Variants in CKM observed in about 807,000 individuals in gnomAD.
The protein encoded by CKM is creatine kinase, M-type.
In CKM, 28 loss-of-function variants were observed where a neutral mutation model predicts 35.4. The observed-to-expected ratio is 0.79, with a 90% CI of 0.59 to 1.08. The LOEUF is 1.08. CKM is among the 50% of genes least tolerant of loss of function. The probability of loss-of-function intolerance (pLI) is 0.00; values close to 1 mark genes in which losing one functional copy is unlikely to be tolerated. For missense variants in CKM, 484 were observed against 509.8 expected (o/e 0.95, Z 0.49); for synonymous variants, 215 against 204.4 (o/e 1.05, Z -0.44).
intron 5 of CKM, among the ~76,000 whole-genome samples, chr19:45,310,695 T>C (rs1488545548): frequency 6.8e-6 from 1 of 147,124 alleles, no homozygotes; most frequent in African/African-American, 2.5e-5. Flanking sequence ...CTCAATCCTC[T>C]GGGCCCAGCT....
At position 45,316,065 on chromosome 19, in the gene CKM, C is replaced by A. The variant is rs1399373723; in HGVS notation, c.349-468G>T. On this transcript the variant is annotated intron_variant, in intron 3 of 7. Transcript: ENST00000221476. ...GAGACAGGGGCTGGGCGCGGTGGCT[C>A]ACACCTGTAATCCCAACACTTTGGG... Among the ~76,000 whole-genome samples the A allele has an allele frequency of 2.0e-5, 3 of 151,884 alleles. 1 individual carries two copies. The highest frequency in any genetic ancestry group is 1.9e-4 in the East Asian group (1 of 5,162).
At chr19:45,319,940 G>A (rs563110548) in intron 1 of CKM, among the ~76,000 whole-genome samples, 74 of 149,806 alleles carry the variant, frequency 4.9e-4, no homozygotes, top group African/African-American at 1.3e-3. Flanking sequence ...ACAGGCGCCC[G>A]CCACCACGCC....
chr19:45,315,267 C>T (rs1158729783), intron 4 of CKM, among the ~76,000 whole-genome samples, 198 bp downstream of exon 4: 1 of 152,132 alleles, frequency 6.6e-6, no homozygotes, highest in East Asian at 1.9e-4. Context: ...CAGGGGCCGT[C>T]GGGTCTGGAC....
rs145635018 is a variant in CKM, at chr19:45,312,038, C to G, written c.482-118G>C. The G allele has an allele frequency of 7.2e-3, 7,768 of 1,079,674 alleles. 39 individuals carry two copies. Among genetic ancestry groups the G allele is most frequent in the Non-Finnish European group, 9.0e-3 (6,496 of 722,424 alleles). 66.9% of individuals were successfully genotyped at this position (1,079,674 alleles called of 1,614,324 possible). On this transcript the variant is annotated intron_variant, in intron 4 of 7. Transcript: ENST00000221476. ...GCCTGGGCCTTGGCCCCCTGGATGT[C>G]CTAAAGGCACCTGAACCCTGTGTCT... is the stretch of plus-strand genomic sequence containing the variant.
rs879736565 is a variant in CKM, at chr19:45,306,977, G to T, written c.968-49C>A. 20 of 1,599,568 alleles carry T rather than the reference G, an allele frequency of 1.3e-5. No homozygotes were observed. The highest frequency in any genetic ancestry group is 1.6e-5 in the Non-Finnish European group (19 of 1,172,214). ...GTGAAGAGGCAGCGAAGGTGCAGAGGGGCTGGGACGTGGCCCCCGTGCCAA... is the reference window on the plus strand; with the variant it reads ...GTGAAGAGGCAGCGAAGGTGCAGAGTGGCTGGGACGTGGCCCCCGTGCCAA... On this transcript the variant is annotated intron_variant, in intron 7 of 7. Transcript: ENST00000221476. The surrounding 1 kb of genome is among the most constrained non-coding windows in gnomAD (Gnocchi z 4.5).
At position 45,311,933 on chromosome 19, in the gene CKM, A is replaced by G; in HGVS notation, c.482-13T>C. ...AGGCTGTTGAGAGCTATGGGGACAC[A>G]CGAGGGAGTGGTCAGCAGCCTGTCC... On this transcript the variant is annotated splice_polypyrimidine_tract_variant and intron_variant, in intron 4 of 7. Coordinates refer to ENST00000221476, the MANE Select transcript of CKM (RefSeq NM_001824.5). 6.2e-7 allele frequency: 1 copy of G among 1,613,602 alleles called. No individual in the cohort carries two copies. Among genetic ancestry groups the G allele is most frequent in the Non-Finnish European group, 8.5e-7 (1 of 1,179,888 alleles).
intron 2 of CKM, 77 bp from the exon 3 acceptor site, chr19:45,318,056 G>A (rs1030028366): frequency 1.6e-6 from 2 of 1,235,652 alleles, no homozygotes; most frequent in Non-Finnish European, 1.2e-6. Context: ...AGTGGAGCCT[G>A]TGTGGACATG....
chr19:45,319,687 C>T lies in CKM; in HGVS notation c.27G>A (p.Lys9=), dbSNP rs1568513011. MPFGNTHN[K]FKLNYKPEEE... is the part of the protein sequence containing the mutation. ...CCTCAGGCTTGTAATTCAGCTTGAACTTGTTGTGGGTGTTACCGAATGGCA... is the reference window on the plus strand; with the variant it reads ...CCTCAGGCTTGTAATTCAGCTTGAATTTGTTGTGGGTGTTACCGAATGGCA... Residue 9 remains lysine (K), a synonymous_variant, in exon 2 of 8, where the codon AAG becomes AAA. Transcript: ENST00000221476. The T allele has an allele frequency of 1.2e-6, 2 of 1,614,072 alleles. No homozygotes were observed. Among genetic ancestry groups the T allele is most frequent in the Admixed American group, 3.3e-5 (2 of 59,988 alleles).
chr19:45,311,672 G>A (rs1647711926), intron 5 of CKM, 77 bp downstream of exon 5: 1 of 1,263,352 alleles, frequency 7.9e-7, no homozygotes, highest in Non-Finnish European at 1.1e-6. Flanking sequence ...TGGTTTTGGT[G>A]GAGGAGTGAG....
In CKM at chr19:45,308,480, G is replaced by T. The variant is rs370365708; in HGVS notation, c.706C>A (p.Arg236=). 77 of 1,613,978 alleles carry T rather than the reference G, an allele frequency of 4.8e-5. No individual in the cohort carries two copies. The highest frequency in any genetic ancestry group is 6.4e-5 in the Non-Finnish European group (76 of 1,179,988). Reference sequence around the variant, plus strand: ...CCCCCCTTCTCCATGGAGATGACCCGGAGGTGATCCTCCTCGTTCACCCAC... The same window carrying T: ...CCCCCCTTCTCCATGGAGATGACCCTGAGGTGATCCTCCTCGTTCACCCAC... ...LVWVNEEDHL[R]VISMEKGGNM... is the part of the protein sequence containing the mutation. Residue 236 remains arginine (R), a synonymous_variant, in exon 6 of 8, where the codon CGG becomes AGG. Transcript: ENST00000221476.
chr19:45,322,124 G>A (rs968151564), intron 1 of CKM, among the ~76,000 whole-genome samples: 1 of 152,016 alleles, frequency 6.6e-6, no homozygotes, highest in Non-Finnish European at 1.5e-5. Context: ...GGACATCCTG[G>A]GATGGCAGCC....
At chr19:45,309,163 G>A (rs1327785822) in intron 5 of CKM, among the ~76,000 whole-genome samples, 1 of 150,060 alleles carries the variant, frequency 6.7e-6, no homozygotes, top group African/African-American at 2.4e-5. Flanking sequence ...GGGAGGTGGA[G>A]CTTGCAGTGA....
At chr19:45,313,348 C>T (rs972911222) in intron 4 of CKM, among the ~76,000 whole-genome samples, 1 of 152,076 alleles carries the variant, frequency 6.6e-6, no homozygotes, top group Non-Finnish European at 1.5e-5. Context: ...CGACCTTGCC[C>T]ATATAAAAGG....
chr19:45,320,847 G>A (rs1971206315), intron 1 of CKM, among the ~76,000 whole-genome samples: 2 of 150,952 alleles, frequency 1.3e-5, no homozygotes, highest in Non-Finnish European at 3.0e-5. Flanking sequence ...TGTAGCTCTC[G>A]GAACAGTGCC....
rs543552195 is a variant in CKM at position 45,319,435 on chromosome 19, C to CA, written c.193+85_193+86insT. ...AGATGAGAAAACTGAGGCCCCCCCCCCTTCAAGGGTGGTGGGATTGGGGCA... is the reference window on the plus strand; with the variant it reads ...AGATGAGAAAACTGAGGCCCCCCCCCACTTCAAGGGTGGTGGGATTGGGGCA... On this transcript the variant is annotated intron_variant, in intron 2 of 7. Coordinates refer to ENST00000221476, the MANE Select transcript of CKM (RefSeq NM_001824.5). 18 of 1,047,048 alleles carry CA rather than the reference C, an allele frequency of 1.7e-5. No homozygotes were observed. In the Admixed American group the frequency reaches 2.3e-4, roughly 13 times the overall value. 64.9% of individuals were successfully genotyped at this position (1,047,048 alleles called of 1,614,324 possible).
rs925406744 is a variant in CKM, at chr19:45,316,683, C to T, written c.349-1086G>A. 2.0e-5 allele frequency among the ~76,000 whole-genome samples: 3 copies of T among 151,916 alleles called. No individual in the cohort carries two copies. The South Asian group carries it at 6.2e-4, about 32-fold the overall frequency. On this transcript the variant is annotated intron_variant, in intron 3 of 7. Transcript: ENST00000221476. ...CACTCTCCTTGTCTGTGTCTGACTG[C>T]AACTGCGTGTGTCTCTCTCTCCCTG...
At chr19:45,321,945 C>T (rs1191204388) in intron 1 of CKM, among the ~76,000 whole-genome samples, 3 of 152,056 alleles carry the variant, frequency 2.0e-5, no homozygotes, top group Non-Finnish European at 4.4e-5. Flanking sequence ...TTGGGTGCTG[C>T]TGTCCAGGGT....
chr19:45,318,855 G>T (rs772335053), intron 2 of CKM, among the ~76,000 whole-genome samples: 1 of 149,386 alleles, frequency 6.7e-6, no homozygotes, highest in Non-Finnish European at 1.5e-5. Flanking sequence ...AACATCCCCT[G>T]TCAGATTCTT....
intron 7 of CKM, 122 bp from the exon 8 acceptor site, chr19:45,307,050 G>T: frequency 1.1e-6 from 1 of 935,694 alleles, no homozygotes; most frequent in Non-Finnish European, 1.7e-6. Flanking sequence ...CAGGTTACCT[G>T]CACACAGGTA....
Sources: gnomAD v4.1 joint callset for allele counts (sites outside exome capture counted in the v4.1 genomes callset) on GRCh38, gnomAD v4.1.1 for gene constraint, Gnocchi (gnomAD v3.1) non-coding constraint, MANE v1.5 for transcripts, NCBI Gene and HGNC (gene_info 2026-07-23, HGNC 2026-07-21) for gene names.